The following HEPACAM2 variants were observed in gnomAD, a reference collection of about 807,000 sequenced individuals.
HEPACAM2 encodes mitotic kinetics regulator.
Under a neutral mutation model 49.6 loss-of-function variants are expected in HEPACAM2, and 49 were observed. That is an observed-to-expected ratio of 0.99 (90% CI 0.78 to 1.25). HEPACAM2 has a LOEUF of 1.25. Ranked by LOEUF, HEPACAM2 falls within the 50% of genes most tolerant of loss-of-function variation. The pLI is 0.00. For synonymous variants in HEPACAM2, 197 were observed against 202.9 expected, an observed-to-expected ratio of 0.97 and a Z score of 0.25; for missense variants, 525 against 557.2, an observed-to-expected ratio of 0.94 and a Z score of 0.58.
At chr7:93,203,522 TC>T (rs1312378942) in intron 4 of HEPACAM2, among the ~76,000 whole-genome samples, 1 of 152,098 alleles carries the variant, frequency 6.6e-6, no homozygotes, top group Non-Finnish European at 1.5e-5. Flanking sequence ...TCCTTCTTTC[TC>T]CTTTCAGAGA....
intron 4 of HEPACAM2, among the ~76,000 whole-genome samples, chr7:93,202,742 T>C (rs1177850221): frequency 6.6e-6 from 1 of 152,126 alleles, no homozygotes; most frequent in Non-Finnish European, 1.5e-5. Flanking sequence ...CATATGCTAA[T>C]AATTACTATT....
intron 4 of HEPACAM2, among the ~76,000 whole-genome samples, chr7:93,203,509 G>A (rs190092136): frequency 4.7e-4 from 71 of 152,112 alleles, no homozygotes; most frequent in Non-Finnish European, 8.4e-4. Context: ...ACCTGCAGGA[G>A]CTTCCTTCTT....
chr7:93,215,604 T>A lies in HEPACAM2; in HGVS notation c.512A>T (p.His171Leu), dbSNP rs764244477. 6.2e-7 allele frequency: 1 copy of A among 1,613,726 alleles called. No homozygotes were observed. The highest frequency in any genetic ancestry group is 1.1e-5 in the South Asian group (1 of 91,086). The change falls in exon 3 of 10, where the codon CAT (histidine) becomes CTT (leucine). Residue 171 changes from histidine to leucine, a missense_variant. Coordinates refer to ENST00000394468, the MANE Select transcript of HEPACAM2 (RefSeq NM_001039372.4). The stretch of plus-strand genomic sequence containing the variant: ...AGCTAGCCGAGTGCCCCCTTCCACA[T>A]GGCATGTCAGGGTCATGTTCCCCAC... The part of the protein sequence containing the change: ...EYVGNMTLTC[H>L]VEGGTRLAYQ...
chr7:93,195,419 T>A (rs1433933769), intron 8 of HEPACAM2, among the ~76,000 whole-genome samples: 1 of 151,702 alleles, frequency 6.6e-6, no homozygotes, highest in Non-Finnish European at 1.5e-5. Context: ...TGGGATGGGG[T>A]CTTTGCCCAG....
At chr7:93,218,722 C>T (rs1794372770) in intron 2 of HEPACAM2, among the ~76,000 whole-genome samples, 1 of 152,104 alleles carries the variant, frequency 6.6e-6, no homozygotes, top group Non-Finnish European at 1.5e-5. Context: ...AAACAGTGTA[C>T]TGAAACAAAA....
In HEPACAM2 at chr7:93,188,789, A is replaced by C. The variant is rs1217193350; in HGVS notation, c.*478T>G. The C allele has an allele frequency of 2.6e-6, 1 of 379,780 alleles. No individual in the cohort carries two copies. The highest frequency in any genetic ancestry group is 4.7e-6 in the Non-Finnish European group (1 of 214,162). 23.5% of individuals were successfully genotyped at this position (379,780 alleles called of 1,614,324 possible). A position where few individuals can be genotyped will look rare whatever the true frequency, so the allele number is the denominator to read the frequency against. ...TACAAATAACAAGATAGAAATTTGG[A>C]AATAAAATTGAAACATAAATTTAGC... On this transcript the variant is annotated 3_prime_UTR_variant, in exon 10 of 10. Transcript: ENST00000394468.
chr7:93,203,320 C>CA (rs1194105248), intron 4 of HEPACAM2, among the ~76,000 whole-genome samples: 1 of 152,128 alleles, frequency 6.6e-6, no homozygotes. Context: ...TTCACACACA[C>CA]AAAAAGTGCC....
At chr7:93,207,186 C>G (rs1266756620) in intron 4 of HEPACAM2, among the ~76,000 whole-genome samples, 1 of 152,082 alleles carries the variant, frequency 6.6e-6, no homozygotes, top group African/African-American at 2.4e-5. Flanking sequence ...TATTGAGTTT[C>G]TCTGTATTAT....
intron 3 of HEPACAM2, among the ~76,000 whole-genome samples, chr7:93,212,956 T>A (rs1201934473): frequency 6.6e-6 from 1 of 152,090 alleles, no homozygotes; most frequent in Non-Finnish European, 1.5e-5. Flanking sequence ...GAGCTCCCAA[T>A]AGAAATGAAC....
At chr7:93,203,053 C>T (rs1018491469) in intron 4 of HEPACAM2, among the ~76,000 whole-genome samples, 1 of 152,140 alleles carries the variant, frequency 6.6e-6, no homozygotes, top group African/African-American at 2.4e-5. Context: ...CTTGCCTCTT[C>T]CCTTGGCCTG....
At chr7:93,196,434 A>G (rs2116636675) in intron 7 of HEPACAM2, among the ~76,000 whole-genome samples, 1 of 152,282 alleles carries the variant, frequency 6.6e-6, no homozygotes, top group Admixed American at 6.5e-5. Context: ...GGTGGTTAGG[A>G]GGAACCAGAT....
intron 8 of HEPACAM2, 121 bp downstream of exon 8, chr7:93,195,707 A>T: frequency 1.4e-6 from 1 of 736,268 alleles, no homozygotes; most frequent in Non-Finnish European, 2.4e-6. Flanking sequence ...AACACTGCTT[A>T]ATGCAGTAAT....
intron 4 of HEPACAM2, among the ~76,000 whole-genome samples, chr7:93,202,032 C>CAAAAAAAAAAAAAAAACAAAAAAAAAAAA (rs1793902139): frequency 9.8e-6 from 1 of 102,008 alleles, no homozygotes; most frequent in Non-Finnish European, 1.9e-5. Context: ...AAAAAAAAAC[C>CAAAAAAAAAAAAAAAACAAAAAAAAAAAA]AAAAAAAAAA....
chr7:93,201,811 C>T (rs1025572720), intron 4 of HEPACAM2, among the ~76,000 whole-genome samples: 1 of 152,010 alleles, frequency 6.6e-6, no homozygotes, highest in South Asian at 2.1e-4. Context: ...TCCTCTTCTT[C>T]AGATTCAGCA....
At position 93,219,240 on chromosome 7, in the gene HEPACAM2, C is replaced by T; in HGVS notation, c.291G>A (p.Lys97=). The T allele has an allele frequency of 6.2e-7, 1 of 1,613,982 alleles. No individual in the cohort carries two copies. The highest frequency in any genetic ancestry group is 8.5e-7 in the Non-Finnish European group (1 of 1,179,942). Residue 97 remains lysine (K), a synonymous_variant, in exon 2 of 10, where the codon AAG becomes AAA. Transcript: ENST00000394468. The part of the protein sequence containing the change: ...SVVPDLEYQH[K]FTMMPPNASL... ...ATGCATTGGGTGGCATCATGGTGAA[C>T]TTGTGTTGGTATTCCAAGTCAGGAA...
the HEPACAM2 span, among the ~76,000 whole-genome samples, chr7:93,231,772 G>C: frequency 6.6e-6 from 1 of 152,112 alleles, no homozygotes; most frequent in African/African-American, 2.4e-5. Context: ...TAAAATAATA[G>C]GCGGGCGTCA....
intron 4 of HEPACAM2, among the ~76,000 whole-genome samples, chr7:93,202,278 C>T (rs1451435928): frequency 6.6e-6 from 1 of 150,978 alleles, no homozygotes; most frequent in Non-Finnish European, 1.5e-5. Flanking sequence ...ATTATATATA[C>T]ATAAAATCAA....
chr7:93,193,498 TTCTG>T (rs1336238376), intron 8 of HEPACAM2, among the ~76,000 whole-genome samples: 1 of 152,184 alleles, frequency 6.6e-6, no homozygotes. Flanking sequence ...TGCAATTGTT[TTCTG>T]TCTAACTCCT....
intron 4 of HEPACAM2, among the ~76,000 whole-genome samples, chr7:93,207,160 C>G (rs576969279): frequency 6.6e-6 from 1 of 152,214 alleles, no homozygotes; most frequent in South Asian, 2.1e-4. Flanking sequence ...TGTTGCATCA[C>G]TTATTCAACA....
Sources: gnomAD v4.1 joint callset for allele counts (sites outside exome capture counted in the v4.1 genomes callset) on GRCh38, gnomAD v4.1.1 for gene constraint, MANE v1.5 for transcripts, NCBI Gene and HGNC (gene_info 2026-07-23, HGNC 2026-07-21) for gene names.